The following EFCAB6 variants were observed in gnomAD, a reference collection of about 807,000 sequenced individuals.
EFCAB6 encodes EF-hand calcium binding domain 6.
EFCAB6 carries 156 observed loss-of-function variants against 169.8 expected under a neutral mutation model. The ratio of observed to expected loss-of-function variants is 0.92; its 90% confidence interval spans 0.81 to 1.05. The LOEUF (loss-of-function observed/expected upper bound fraction) is 1.05, where lower values mean the gene tolerates loss of function less well. EFCAB6 is among the 50% of genes least tolerant of loss of function. The pLI, the probability that EFCAB6 is intolerant of heterozygous loss-of-function variation, is 0.00. For missense variants in EFCAB6, 1,800 were observed against 1,829.1 expected, an observed-to-expected ratio of 0.98 and a Z score of 0.29; for synonymous variants, 698 against 676.4, an observed-to-expected ratio of 1.03 and a Z score of -0.50.
intron 20 of EFCAB6, among the ~76,000 whole-genome samples, chr22:43,623,739 CAAAAAA>C (rs137720): frequency 3.1e-5 from 3 of 95,242 alleles, no homozygotes; most frequent in East Asian, 3.5e-4. Flanking sequence ...ACTAAAAATA[CAAAAAA>C]AAAAAAAAAA....
intron 15 of EFCAB6, among the ~76,000 whole-genome samples, chr22:43,670,790 G>A (rs2057455404): frequency 6.6e-6 from 1 of 152,220 alleles, no homozygotes; most frequent in South Asian, 2.1e-4. Flanking sequence ...AAGATGGTCT[G>A]AAAGTCCAGG....
chr22:43,575,659 T>C (rs1407440263), intron 26 of EFCAB6, among the ~76,000 whole-genome samples: 1 of 152,036 alleles, frequency 6.6e-6, no homozygotes, highest in South Asian at 2.1e-4. Context: ...GTATTTTGTT[T>C]AGAAACATCC....
intron 11 of EFCAB6, among the ~76,000 whole-genome samples, chr22:43,687,201 A>T (rs1185642222): frequency 6.6e-6 from 1 of 152,138 alleles, no homozygotes; most frequent in Non-Finnish European, 1.5e-5. Context: ...TCTCCACCAC[A>T]CTCTGAGCAG....
intron 6 of EFCAB6, among the ~76,000 whole-genome samples, chr22:43,746,521 C>T (rs1024880668): frequency 2.0e-5 from 3 of 152,128 alleles, no homozygotes; most frequent in East Asian, 1.9e-4. Context: ...TTACCTGTAA[C>T]GTATAGCTTA....
chr22:43,600,734 G>A (rs961302499), intron 22 of EFCAB6, among the ~76,000 whole-genome samples: 3 of 152,136 alleles, frequency 2.0e-5, no homozygotes, highest in Admixed American at 2.0e-4. Flanking sequence ...TGCGAGCTGG[G>A]CTCACTACAA....
intron 20 of EFCAB6, among the ~76,000 whole-genome samples, chr22:43,625,608 C>A (rs1054492194): frequency 6.6e-6 from 1 of 152,196 alleles, no homozygotes; most frequent in Non-Finnish European, 1.5e-5. Context: ...CAGCTGGACA[C>A]TGAGATTCTC....
At chr22:43,569,443 A>G (rs1303253157) in intron 26 of EFCAB6, among the ~76,000 whole-genome samples, 3 of 152,174 alleles carry the variant, frequency 2.0e-5, no homozygotes, top group African/African-American at 7.2e-5. Context: ...GCTCTACAGG[A>G]AGCAGACACC....
At chr22:43,778,070 AACT>A (rs2148011456) in intron 3 of EFCAB6, among the ~76,000 whole-genome samples, 1 of 152,370 alleles carries the variant, frequency 6.6e-6, no homozygotes, top group Non-Finnish European at 1.5e-5. Context: ...GATGCAAAGA[AACT>A]ACAATTCAGG....
Position 43,582,006 on chromosome 22 carries a change from T to C in EFCAB6, c.3033-1347A>G, listed in dbSNP as rs138187496. 5.5e-3 allele frequency among the ~76,000 whole-genome samples: 843 copies of C among 152,310 alleles called. 29 individuals carry two copies. Among genetic ancestry groups the C allele is most frequent in the Admixed American group, 0.05 (769 of 15,296 alleles). The stretch of plus-strand genomic sequence containing the variant: ...TTACAAGTAACAGAGATGTTTATCA[T>C]CAAGAGGTCTTTGAGAAGAAACAAG... On this transcript the variant is annotated intron_variant, in intron 24 of 31. Coordinates refer to ENST00000262726, the MANE Select transcript of EFCAB6 (RefSeq NM_022785.4).
intron 10 of EFCAB6, among the ~76,000 whole-genome samples, chr22:43,693,336 C>T (rs1378351277): frequency 6.6e-6 from 1 of 151,618 alleles, no homozygotes; most frequent in Admixed American, 6.6e-5. Flanking sequence ...TGGCACTTTA[C>T]CTGTATGGTC....
intron 23 of EFCAB6, among the ~76,000 whole-genome samples, chr22:43,591,458 T>TAAAAA (rs35033134): frequency 3.5e-5 from 3 of 84,914 alleles, no homozygotes; most frequent in Non-Finnish European, 2.6e-5. Flanking sequence ...CTCTGTCTTA[T>TAAAAA]AAAAAAAAAA....
chr22:43,533,982 G>T (rs2047234942), intron 30 of EFCAB6, among the ~76,000 whole-genome samples: 1 of 152,242 alleles, frequency 6.6e-6, no homozygotes, highest in African/African-American at 2.4e-5. Flanking sequence ...GCTGGGTGCG[G>T]TGGCTCATGC....
chr22:43,590,731 G>T (rs896132243), intron 23 of EFCAB6, among the ~76,000 whole-genome samples: 1 of 147,868 alleles, frequency 6.8e-6, no homozygotes, highest in African/African-American at 2.5e-5. Flanking sequence ...TGGGACAGTA[G>T]GTTTGAAGGC....
At chr22:43,674,457 A>G (rs1239542197) in intron 13 of EFCAB6, among the ~76,000 whole-genome samples, 2 of 152,118 alleles carry the variant, frequency 1.3e-5, no homozygotes, top group African/African-American at 4.8e-5. Context: ...AGCTCTGGAG[A>G]TGGTAACCTG....
intron 22 of EFCAB6, among the ~76,000 whole-genome samples, chr22:43,607,151 C>T (rs2052982368): frequency 1.3e-5 from 2 of 152,216 alleles, no homozygotes; most frequent in Admixed American, 6.5e-5. Context: ...AGCAGCCCTA[C>T]CCTTCCTTTC....
intron 11 of EFCAB6, among the ~76,000 whole-genome samples, chr22:43,684,766 C>T (rs9306469): frequency 0.23 from 34,301 of 152,134 alleles, 5,103 homozygotes; most frequent in East Asian, 0.61. Context: ...TTTCTATAGA[C>T]GGCCAGCACT....
chr22:43,773,623 G>A (rs1314730115), intron 3 of EFCAB6, among the ~76,000 whole-genome samples: 6 of 152,180 alleles, frequency 3.9e-5, no homozygotes, highest in South Asian at 2.1e-4. Flanking sequence ...CGAGGCAGGC[G>A]GATCACCTGA....
At chr22:43,602,109 T>A (rs2052567153) in intron 22 of EFCAB6, among the ~76,000 whole-genome samples, 1 of 152,210 alleles carries the variant, frequency 6.6e-6, no homozygotes. Flanking sequence ...CACGGATCAG[T>A]CCCTCAGCTG....
At chr22:43,781,003 A>G (rs979196483) in intron 3 of EFCAB6, among the ~76,000 whole-genome samples, 13 of 152,054 alleles carry the variant, frequency 8.5e-5, no homozygotes, top group Non-Finnish European at 1.6e-4. Context: ...TGAATTCTTT[A>G]TCTCCCTCTC....
Sources: gnomAD v4.1 joint callset for allele counts (sites outside exome capture counted in the v4.1 genomes callset) on GRCh38, gnomAD v4.1.1 for gene constraint, MANE v1.5 for transcripts, NCBI Gene and HGNC (gene_info 2026-07-23, HGNC 2026-07-21) for gene names.